The following NELL1 variants were observed in gnomAD, a reference collection of about 807,000 sequenced individuals.
NELL1 encodes neural EGFL like 1.
NELL1 carries 76 observed loss-of-function variants against 107.4 expected under a neutral mutation model. That is an observed-to-expected ratio of 0.71 (90% CI 0.59 to 0.86). The LOEUF is 0.86. Ranked by LOEUF, NELL1 falls within the 40% of genes least tolerant of loss-of-function variation. NELL1 has a pLI of 0.00. For missense variants in NELL1, 1,024 were observed against 1,005.5 expected (o/e 1.02, Z -0.25); for synonymous variants, 353 against 341.2 (o/e 1.03, Z -0.38).
intron 12 of NELL1, among the ~76,000 whole-genome samples, chr11:21,053,280 C>T (rs1270690871): frequency 6.6e-6 from 1 of 152,104 alleles, no homozygotes; most frequent in Non-Finnish European, 1.5e-5. Flanking sequence ...AGCCCCCCAC[C>T]CTGTGACAGG....
At chr11:21,019,615 C>G (rs1793545461) in intron 12 of NELL1, among the ~76,000 whole-genome samples, 1 of 152,048 alleles carries the variant, frequency 6.6e-6, no homozygotes, top group Admixed American at 6.6e-5. Flanking sequence ...CTCCTGGCAT[C>G]TGATGGGTAG....
chr11:20,927,847 AC>A (rs1340518152), intron 8 of NELL1, among the ~76,000 whole-genome samples: 1 of 152,168 alleles, frequency 6.6e-6, no homozygotes, highest in African/African-American at 2.4e-5. Flanking sequence ...TGTATCCATC[AC>A]CTGTTTCAAA....
chr11:20,810,583 T>A (rs1222619755), intron 3 of NELL1, among the ~76,000 whole-genome samples: 1 of 152,260 alleles, frequency 6.6e-6, no homozygotes, highest in Non-Finnish European at 1.5e-5. Flanking sequence ...TATTCCATAA[T>A]ATATATACCA....
At chr11:21,090,658 C>T (rs1169941251) in intron 12 of NELL1, among the ~76,000 whole-genome samples, 6 of 152,172 alleles carry the variant, frequency 3.9e-5, no homozygotes, top group Non-Finnish European at 7.3e-5. Flanking sequence ...GCTACCTCGA[C>T]CTGCTTACTT....
At chr11:21,107,428 A>T (rs1693936718) in intron 12 of NELL1, among the ~76,000 whole-genome samples, 1 of 152,168 alleles carries the variant, frequency 6.6e-6, no homozygotes, top group Admixed American at 6.6e-5. Flanking sequence ...ATCTCTGCAA[A>T]GTCAGTAGGT....
intron 4 of NELL1, 141 bp from the exon 5 acceptor site, chr11:20,885,303 T>C (rs1403838417): frequency 9.9e-6 from 6 of 606,160 alleles, no homozygotes; most frequent in Non-Finnish European, 1.8e-5. Context: ...TCTACATTCA[T>C]GTTATCTGTC....
chr11:21,362,163 G>A (rs1172250675), intron 14 of NELL1, among the ~76,000 whole-genome samples: 1 of 152,174 alleles, frequency 6.6e-6, no homozygotes, highest in Admixed American at 6.5e-5. Flanking sequence ...CTGCTGTTCA[G>A]ATTCTCTTGT....
rs561398316 is a variant in NELL1 at position 21,169,979 on chromosome 11, G to A, written c.1426+56265G>A. The A allele has an allele frequency of 5.2e-6, 7 of 1,353,572 alleles. 1 individual carries two copies. In the African/African-American group the frequency reaches 1.0e-4, roughly 20 times the overall value. 83.8% of individuals were successfully genotyped at this position (1,353,572 alleles called of 1,614,324 possible). On this transcript the variant is annotated intron_variant, in intron 13 of 19. Transcript: ENST00000357134. ...TCTCTTTGTAGGGGACAGGGACAGTGCAATGCGGGCTCCTCAGGCTTTTGA... is the reference window on the plus strand; with the variant it reads ...TCTCTTTGTAGGGGACAGGGACAGTACAATGCGGGCTCCTCAGGCTTTTGA...
rs146495613 is a variant in NELL1, at chr11:21,542,722, C to T, written c.1786+8208C>T. ...GTGATAAAGAGAATGAGAAAATGAT[C>T]GGCAGATTTTTAAACCAATTTTTTA... On this transcript the variant is annotated intron_variant, in intron 16 of 19. Transcript: ENST00000357134. 9.3e-3 allele frequency among the ~76,000 whole-genome samples: 1,414 copies of T among 152,016 alleles called. 21 individuals are homozygous for T. The highest frequency in any genetic ancestry group is 0.033 in the African/African-American group (1,350 of 41,482).
intron 12 of NELL1, among the ~76,000 whole-genome samples, chr11:21,085,352 G>A (rs1336280094): frequency 6.6e-6 from 1 of 152,160 alleles, no homozygotes; most frequent in Non-Finnish European, 1.5e-5. Context: ...GTTTATTTTA[G>A]TCTGGGCACA....
intron 14 of NELL1, among the ~76,000 whole-genome samples, chr11:21,345,478 G>A (rs1850664002): frequency 6.6e-6 from 1 of 152,128 alleles, no homozygotes; most frequent in South Asian, 2.1e-4. Context: ...CAGAGCAGGG[G>A]CCATTCTCTC....
chr11:20,935,084 T>A (rs1850695577), intron 9 of NELL1, among the ~76,000 whole-genome samples: 3 of 152,208 alleles, frequency 2.0e-5, no homozygotes, highest in Admixed American at 6.5e-5. Context: ...TTATTATTAC[T>A]CTCAATAAAT....
At chr11:21,461,982 G>A (rs911756812) in intron 15 of NELL1, among the ~76,000 whole-genome samples, 1 of 152,120 alleles carries the variant, frequency 6.6e-6, no homozygotes, top group African/African-American at 2.4e-5. Context: ...CAAGAGCAGT[G>A]ATCCGAAAAT....
intron 12 of NELL1, among the ~76,000 whole-genome samples, chr11:21,039,138 AAAGGGG>A (rs2134328547): frequency 6.6e-6 from 1 of 152,186 alleles, no homozygotes; most frequent in East Asian, 1.9e-4. Flanking sequence ...TGTTTAAGGG[AAAGGGG>A]AAGAGTTTGA....
chr11:20,791,858 T>A (rs1191753933), intron 3 of NELL1, among the ~76,000 whole-genome samples: 3 of 151,916 alleles, frequency 2.0e-5, no homozygotes, highest in Non-Finnish European at 1.5e-5. Flanking sequence ...TTTCTATATC[T>A]ACTGAGATGA....
chr11:20,744,206 A>T (rs1855952644), intron 2 of NELL1, among the ~76,000 whole-genome samples: 1 of 152,208 alleles, frequency 6.6e-6, no homozygotes, highest in Non-Finnish European at 1.5e-5. Context: ...TCCATCCTAC[A>T]GGCAACACTC....
chr11:21,001,727 A>C (rs1852225497), intron 12 of NELL1, among the ~76,000 whole-genome samples: 1 of 150,426 alleles, frequency 6.6e-6, no homozygotes, highest in Admixed American at 6.6e-5. Context: ...TGGGCAATCA[A>C]CGGGGAGCTC....
intron 13 of NELL1, among the ~76,000 whole-genome samples, chr11:21,222,829 A>C (rs1208459212): frequency 6.6e-6 from 1 of 150,560 alleles, no homozygotes; most frequent in Non-Finnish European, 1.5e-5. Flanking sequence ...AAACTTGTTT[A>C]TATTCCATGT....
chr11:21,173,580 A>G (rs1397903846), intron 13 of NELL1, among the ~76,000 whole-genome samples: 1 of 151,816 alleles, frequency 6.6e-6, no homozygotes, highest in Non-Finnish European at 1.5e-5. Context: ...TTCAACAGTT[A>G]TTTGAGAGCA....
Sources: gnomAD v4.1 joint callset for allele counts (sites outside exome capture counted in the v4.1 genomes callset) on GRCh38, gnomAD v4.1.1 for gene constraint, MANE v1.5 for transcripts, NCBI Gene and HGNC (gene_info 2026-07-23, HGNC 2026-07-21) for gene names.